The following ADGRV1 variants were observed in gnomAD, a reference collection of about 807,000 sequenced individuals.
ADGRV1 encodes the protein adhesion G protein-coupled receptor V1.
Under a neutral mutation model 596.2 loss-of-function variants are expected in ADGRV1, and 359 were observed. The observed-to-expected ratio is 0.60, with a 90% confidence interval of 0.55 to 0.66. The LOEUF (loss-of-function observed/expected upper bound fraction) is 0.66, where lower values mean the gene tolerates loss of function less well. Ranked by LOEUF, ADGRV1 falls within the 30% of genes least tolerant of loss-of-function variation. ADGRV1 has a pLI of 0.00. For synonymous variants in ADGRV1, 2,681 were observed against 2,679.2 expected (o/e 1.00, Z -0.02); for missense variants, 7,274 against 7,575.6 (o/e 0.96, Z 1.48).
intron 83 of ADGRV1, among the ~76,000 whole-genome samples, chr5:90,898,328 G>C (rs1272652939): frequency 2.6e-5 from 4 of 152,154 alleles, no homozygotes; most frequent in Non-Finnish European, 5.9e-5. Flanking sequence ...GGGCCAAAAA[G>C]TAGAGGATCC....
At chr5:91,060,005 C>T (rs769605339) in intron 85 of ADGRV1, among the ~76,000 whole-genome samples, 14 of 152,112 alleles carry the variant, frequency 9.2e-5, no homozygotes, top group African/African-American at 1.4e-4. Context: ...CAAACACCAA[C>T]GTCCTTACAT....
intron 26 of ADGRV1, among the ~76,000 whole-genome samples, chr5:90,680,985 C>T (rs1382970966): frequency 1.3e-5 from 2 of 152,126 alleles, no homozygotes; most frequent in Admixed American, 1.3e-4. Flanking sequence ...CTTTTGAGGT[C>T]AGAAAGGTCG....
chr5:91,161,525 T>C (rs548565239), intron 89 of ADGRV1, among the ~76,000 whole-genome samples: 135 of 150,650 alleles, frequency 9.0e-4, no homozygotes, highest in African/African-American at 3.2e-3. Context: ...TTTTTTTTTT[T>C]CAAGAGAAAC....
chr5:90,668,258 C>T (rs1161597039), intron 21 of ADGRV1, among the ~76,000 whole-genome samples: 7 of 151,686 alleles, frequency 4.6e-5, no homozygotes, highest in Non-Finnish European at 7.4e-5. Flanking sequence ...TAGCAATCAG[C>T]GAGACTCCAT....
At chr5:90,925,181 G>C (rs1774303021) in intron 83 of ADGRV1, among the ~76,000 whole-genome samples, 1 of 152,230 alleles carries the variant, frequency 6.6e-6, no homozygotes, top group South Asian at 2.1e-4. Flanking sequence ...GTCATTGGTA[G>C]CTTGATGGGG....
intron 11 of ADGRV1, among the ~76,000 whole-genome samples, chr5:90,642,202 T>G (rs1351645968): frequency 6.6e-6 from 1 of 152,190 alleles, no homozygotes; most frequent in Non-Finnish European, 1.5e-5. Flanking sequence ...TCTTATGTAA[T>G]GAGTTTTAAA....
chr5:90,590,752 A>T (rs1223061616), intron 1 of ADGRV1, among the ~76,000 whole-genome samples: 1 of 152,242 alleles, frequency 6.6e-6, no homozygotes, highest in Non-Finnish European at 1.5e-5. Context: ...CCAATTTGAA[A>T]GTATAATAAT....
chr5:90,644,394 A>G (rs1268737349), intron 14 of ADGRV1, among the ~76,000 whole-genome samples: 1 of 152,254 alleles, frequency 6.6e-6, no homozygotes. Context: ...AACTGCTTTT[A>G]GCAGATATCC....
chr5:90,791,016 T>C lies in ADGRV1; in HGVS notation c.14187T>C (p.Asp4729=), dbSNP rs1581134209. 4 of 1,613,884 alleles carry C rather than the reference T, an allele frequency of 2.5e-6. No individual in the cohort carries two copies. Among genetic ancestry groups the C allele is most frequent in the East Asian group, 2.2e-5 (1 of 44,874 alleles). The change falls in exon 70 of 90, where the codon GAT becomes GAC. Residue 4729 remains aspartate (D), a synonymous_variant. Coordinates refer to ENST00000405460, the MANE Select transcript of ADGRV1 (RefSeq NM_032119.4). ...LPDEVPEIEE[D]YVIQLVSVEG... is the part of the protein sequence containing the mutation. Reference sequence around the variant, plus strand: ...ATGAGGTACCTGAGATAGAGGAAGATTATGTGATCCAGCTTGTTTCTGTAG... The same window carrying C: ...ATGAGGTACCTGAGATAGAGGAAGACTATGTGATCCAGCTTGTTTCTGTAG...
At chr5:91,150,320 G>C in intron 88 of ADGRV1, 99 bp downstream of exon 88, 1 of 899,744 alleles carries the variant, frequency 1.1e-6, no homozygotes, top group Non-Finnish European at 1.6e-6. Context: ...TCATTGACAG[G>C]CTCTCCACCT....
chr5:90,710,280 A>G (rs1196121118), intron 39 of ADGRV1, among the ~76,000 whole-genome samples: 6 of 152,350 alleles, frequency 3.9e-5, no homozygotes, highest in African/African-American at 1.4e-4. Flanking sequence ...ACTAATCAGG[A>G]GCAGGATTAG....
intron 83 of ADGRV1, among the ~76,000 whole-genome samples, chr5:90,924,671 C>T (rs1329532097): frequency 2.6e-5 from 4 of 151,960 alleles, no homozygotes; most frequent in Non-Finnish European, 5.9e-5. Flanking sequence ...CTTTTGTTGC[C>T]ATTGCTTTTG....
At chr5:90,698,345 G>C (rs528361436) in intron 34 of ADGRV1, among the ~76,000 whole-genome samples, 1 of 152,182 alleles carries the variant, frequency 6.6e-6, no homozygotes, top group East Asian at 1.9e-4. Flanking sequence ...CTATGATATA[G>C]GTATAATTGT....
chr5:91,033,355 T>C (rs1439136520), intron 85 of ADGRV1, among the ~76,000 whole-genome samples: 1 of 152,206 alleles, frequency 6.6e-6, no homozygotes, highest in Admixed American at 6.5e-5. Context: ...GACGGGGTCC[T>C]ACATGATTTA....
intron 14 of ADGRV1, 145 bp from the exon 15 acceptor site, chr5:90,644,561 C>T (rs554565350): frequency 3.4e-5 from 21 of 622,508 alleles, no homozygotes; most frequent in African/African-American, 3.3e-4. Context: ...TTTATATGTA[C>T]CTTAAAAACT....
intron 43 of ADGRV1, chr5:90,717,905 C>T (rs1048108992): frequency 3.9e-5 from 6 of 152,222 alleles, no homozygotes; most frequent in Admixed American, 1.3e-4. Flanking sequence ...CCCGCCTCAA[C>T]CTCCCAAAGT....
chr5:90,666,513 C>A (rs1338161455), intron 21 of ADGRV1, among the ~76,000 whole-genome samples: 4 of 148,312 alleles, frequency 2.7e-5, no homozygotes, highest in Middle Eastern at 6.8e-3. Flanking sequence ...TGTGTCTCTG[C>A]ACGTGAGATG....
chr5:90,589,901 C>CTTT (rs1759250918), intron 1 of ADGRV1, among the ~76,000 whole-genome samples: 1 of 151,998 alleles, frequency 6.6e-6, no homozygotes, highest in Non-Finnish European at 1.5e-5. Flanking sequence ...AACTCTGTAC[C>CTTT]TAAAGGTTGA....
chr5:90,661,695 C>T (rs1016980122), intron 21 of ADGRV1, among the ~76,000 whole-genome samples: 4 of 152,020 alleles, frequency 2.6e-5, no homozygotes, highest in African/African-American at 4.8e-5. Flanking sequence ...AAAGAGGAGA[C>T]GGTAGTGAGT....
Sources: gnomAD v4.1 joint callset for allele counts (sites outside exome capture counted in the v4.1 genomes callset) on GRCh38, gnomAD v4.1.1 for gene constraint, MANE v1.5 for transcripts, NCBI Gene and HGNC (gene_info 2026-07-23, HGNC 2026-07-21) for gene names.